DEFB107A: variants seen among roughly 807,000 people sequenced by gnomAD.
DEFB107A encodes defensin beta 107A, also known as beta-defensin 107.
chr8:7,812,766 G>A (rs1230873177), intron 1 of DEFB107A, among the ~76,000 whole-genome samples: 1 of 134,978 alleles, frequency 7.4e-6, no homozygotes, highest in Non-Finnish European at 1.7e-5. Context: ...TTAGTGCCAA[G>A]TTAAGGCAAA....
chr8:7,813,026 C>A (rs1817123217), intron 1 of DEFB107A, among the ~76,000 whole-genome samples: 1 of 150,728 alleles, frequency 6.6e-6, no homozygotes, highest in South Asian at 2.2e-4. Context: ...AGTAGAAGAA[C>A]AAATGACCAA....
At chr8:7,813,356 C>T (rs1348448955) in intron 1 of DEFB107A, among the ~76,000 whole-genome samples, 15 of 146,238 alleles carry the variant, frequency 1.0e-4, no homozygotes, top group African/African-American at 3.7e-4. Flanking sequence ...ATAAAATGGT[C>T]AACTGTTTAG....
In DEFB107A at chr8:7,815,023, G is replaced by A. The variant is rs1176944781; in HGVS notation, c.70+536C>T. On this transcript the variant is annotated intron_variant, in intron 1 of 1. Transcript: ENST00000335021. ...AGGGCTCTGGGAGGCCGAGGAGGGC[G>A]GATCACGAAGTCAGGACATCAAGAC... is the stretch of plus-strand genomic sequence containing the variant. 5.2e-4 allele frequency among the ~76,000 whole-genome samples: 6 copies of A among 11,470 alleles called. 1 individual carries two copies. The highest frequency in any genetic ancestry group is 1.1e-3 in the African/African-American group (6 of 5,626). 7.5% of individuals were successfully genotyped at this position (11,470 alleles called of 152,430 possible).
In DEFB107A at chr8:7,813,680, A is replaced by C. The variant is rs142490246; in HGVS notation, c.71-1730T>G. Among the ~76,000 whole-genome samples, 8 of 152,268 alleles carry C rather than the reference A, an allele frequency of 5.3e-5. No homozygotes were observed. In the East Asian group the frequency reaches 1.5e-3, roughly 29 times the overall value. On this transcript the variant is annotated intron_variant, in intron 1 of 1. Transcript: ENST00000335021. ...AAACTCATATAAGTTTGGCCTAATAACCTATGTTTATTACCTTTTATATTG... is the reference window on the plus strand; with the variant it reads ...AAACTCATATAAGTTTGGCCTAATACCCTATGTTTATTACCTTTTATATTG...
intron 1 of DEFB107A, among the ~76,000 whole-genome samples, chr8:7,812,637 G>T (rs1326989133): frequency 7.4e-6 from 1 of 134,896 alleles, no homozygotes; most frequent in African/African-American, 2.5e-5. Flanking sequence ...AATAGTGGAA[G>T]AAGTAGCAGT....
At chr8:7,812,490 G>A (rs78102948) in intron 1 of DEFB107A, among the ~76,000 whole-genome samples, 9,270 of 129,016 alleles carry the variant, frequency 0.072, 395 homozygotes, top group African/African-American at 0.21. Flanking sequence ...CAATGGAATC[G>A]TGTATTTAGC....
intron 1 of DEFB107A, among the ~76,000 whole-genome samples, chr8:7,814,923 T>C (rs1351938987): frequency 2.0e-5 from 2 of 97,736 alleles, no homozygotes; most frequent in African/African-American, 8.1e-5. Flanking sequence ...TCTTTCTTTT[T>C]TTTTTTTTTT....
At chr8:7,812,956 T>C (rs553366713) in intron 1 of DEFB107A, among the ~76,000 whole-genome samples, 511 of 148,952 alleles carry the variant, frequency 3.4e-3, no homozygotes, top group Admixed American at 8.7e-3. Context: ...CACACACATA[T>C]ATATATATAT....
At chr8:7,814,822 T>C (rs1817175409) in intron 1 of DEFB107A, among the ~76,000 whole-genome samples, 1 of 50,382 alleles carries the variant, frequency 2.0e-5, no homozygotes, top group Non-Finnish European at 3.6e-5. Context: ...TGTCTAAGAA[T>C]CTAGTAACAT....
chr8:7,812,921 A>ATG (rs1554580662), intron 1 of DEFB107A, among the ~76,000 whole-genome samples: 1 of 134,896 alleles, frequency 7.4e-6, no homozygotes. Context: ...TGAGACACAC[A>ATG]CACGCACACA....
chr8:7,813,636 A>G (rs1285110051), intron 1 of DEFB107A, among the ~76,000 whole-genome samples: 5 of 150,412 alleles, frequency 3.3e-5, no homozygotes, highest in Non-Finnish European at 5.9e-5. Flanking sequence ...ACAGCTTATA[A>G]AGATTAGCAC....
At chr8:7,813,783 T>C (rs1817149274) in intron 1 of DEFB107A, among the ~76,000 whole-genome samples, 1 of 151,810 alleles carries the variant, frequency 6.6e-6, no homozygotes, top group African/African-American at 2.4e-5. Flanking sequence ...GCCCAAACTA[T>C]GCTTATTATT....
At chr8:7,813,151 A>G (rs1366086241) in intron 1 of DEFB107A, among the ~76,000 whole-genome samples, 4 of 112,358 alleles carry the variant, frequency 3.6e-5, no homozygotes, top group East Asian at 5.1e-4. Flanking sequence ...ACTTTTAGTC[A>G]TAGAACCTCT....
intron 1 of DEFB107A, among the ~76,000 whole-genome samples, chr8:7,812,946 C>G (rs536629263): frequency 6.6e-6 from 1 of 151,248 alleles, no homozygotes; most frequent in East Asian, 1.9e-4. Flanking sequence ...CACACACACA[C>G]ACACACATAT....
intron 1 of DEFB107A, among the ~76,000 whole-genome samples, chr8:7,812,954 T>A (rs74300835): frequency 6.8e-6 from 1 of 147,212 alleles, no homozygotes; most frequent in African/African-American, 2.5e-5. Flanking sequence ...CACACACACA[T>A]ATATATATAT....
At chr8:7,813,917 G>T (rs1817155562) in intron 1 of DEFB107A, among the ~76,000 whole-genome samples, 1 of 146,778 alleles carries the variant, frequency 6.8e-6, no homozygotes, top group African/African-American at 2.5e-5. Flanking sequence ...TTTTAAATGA[G>T]TTTATCTATT....
intron 1 of DEFB107A, among the ~76,000 whole-genome samples, chr8:7,812,907 C>T (rs1817116945): frequency 7.8e-6 from 1 of 127,484 alleles, no homozygotes; most frequent in African/African-American, 2.6e-5. Context: ...ACTGGACAAT[C>T]AGTTGAGACA....
intron 1 of DEFB107A, among the ~76,000 whole-genome samples, chr8:7,815,232 C>A (rs1401775183): frequency 1.2e-3 from 82 of 68,110 alleles, no homozygotes; most frequent in Admixed American, 2.3e-3. Flanking sequence ...TGGGCGACAG[C>A]GCGAGACTCC....
Position 7,811,749 on chromosome 8 carries a change from AC to A in DEFB107A, c.*58del, listed in dbSNP as rs1432487999. On this transcript the variant is annotated 3_prime_UTR_variant, in exon 2 of 2. Coordinates refer to ENST00000335021, the MANE Select transcript of DEFB107A (RefSeq NM_001037668.1). ...GAGATGGTCCAGAGAGATTTATCCCACTGATATCGCAGCCAGAGAATCTTCA... is the reference window on the plus strand; with the variant it reads ...GAGATGGTCCAGAGAGATTTATCCCATGATATCGCAGCCAGAGAATCTTCA... 17 of 135,630 alleles carry A rather than the reference AC, an allele frequency of 1.3e-4. No homozygotes were observed. The highest frequency in any genetic ancestry group is 2.1e-4 in the Non-Finnish European group (13 of 63,212). 8.4% of individuals were successfully genotyped at this position (135,630 alleles called of 1,614,324 possible). A position where few individuals can be genotyped will look rare whatever the true frequency, so the allele number is the denominator to read the frequency against.
Sources: allele counts gnomAD v4.1 joint callset (sites outside exome capture counted in the v4.1 genomes callset), GRCh38; gene constraint gnomAD v4.1.1; transcripts MANE v1.5; gene names NCBI Gene and HGNC (gene_info 2026-07-23, HGNC 2026-07-21).